Variants in FER observed in about 807,000 individuals in gnomAD.
FER encodes the protein tyrosine-protein kinase Fer.
FER carries 63 observed loss-of-function variants against 111.0 expected under a neutral mutation model. That is an observed-to-expected ratio of 0.57 (90% CI 0.46 to 0.70). The LOEUF (loss-of-function observed/expected upper bound fraction) is 0.70, where lower values mean the gene tolerates loss of function less well. Among genes scored for constraint, FER ranks in the 30% least tolerant of loss-of-function variants. FER has a pLI of 0.00. For missense variants in FER, 914 were observed against 954.0 expected (o/e 0.96, Z 0.55); for synonymous variants, 327 against 313.9 (o/e 1.04, Z -0.44).
At chr5:109,134,454 T>C (rs1752683811) in intron 17 of FER, among the ~76,000 whole-genome samples, 1 of 152,204 alleles carries the variant, frequency 6.6e-6, no homozygotes, top group African/African-American at 2.4e-5. Context: ...TTATTAAAAA[T>C]TATTTTTAAA....
chr5:109,105,230 TTGTGTGTGTGTGTGTGTG>T (rs72106747), intron 17 of FER, among the ~76,000 whole-genome samples: 1,753 of 138,630 alleles, frequency 0.013, 19 homozygotes, highest in Non-Finnish European at 0.021. Context: ...CAGCTTATAT[TTGTGTGTGTGTGTGTGTG>T]TGTGTGTGTG....
At chr5:108,806,879 A>G (rs1427220024) in intron 3 of FER, among the ~76,000 whole-genome samples, 4 of 152,130 alleles carry the variant, frequency 2.6e-5, no homozygotes. Context: ...GTTAATGCTG[A>G]AATAAGACTT....
intron 17 of FER, among the ~76,000 whole-genome samples, chr5:109,119,576 G>T (rs1750700787): frequency 6.6e-6 from 1 of 152,094 alleles, no homozygotes; most frequent in Admixed American, 6.5e-5. Context: ...TTAACTTTCT[G>T]TCTCGTTGAT....
intron 17 of FER, among the ~76,000 whole-genome samples, chr5:109,106,159 A>T (rs1366641754): frequency 6.6e-6 from 1 of 152,214 alleles, no homozygotes; most frequent in African/African-American, 2.4e-5. Context: ...GCCGAATGGT[A>T]TTTGATGTGA....
chr5:108,991,184 C>G (rs578196702), intron 13 of FER, among the ~76,000 whole-genome samples: 13 of 151,780 alleles, frequency 8.6e-5, no homozygotes, highest in Admixed American at 7.9e-4. Flanking sequence ...ATTAGCATAG[C>G]ATGTCTGTCT....
intron 13 of FER, among the ~76,000 whole-genome samples, chr5:108,988,759 T>C (rs2149740645): frequency 6.6e-6 from 1 of 152,222 alleles, no homozygotes; most frequent in East Asian, 1.9e-4. Context: ...TTATCTTTGT[T>C]GTTGTTGGTT....
rs1241271368 is a variant in FER, at chr5:108,937,826, G to A, written c.1237-8304G>A. Among the ~76,000 whole-genome samples the A allele has an allele frequency of 4.6e-5, 7 of 151,774 alleles. No homozygotes were observed. In the Admixed American group the frequency reaches 4.6e-4, roughly 10 times the overall value. On this transcript the variant is annotated intron_variant, in intron 10 of 19. Coordinates refer to ENST00000281092, the MANE Select transcript of FER (RefSeq NM_005246.4). ...GTTATGGGGTGACAGCCAAATAAGAGCAGATTGAGGAATGAGTGAGAGTAG... is the reference window on the plus strand; with the variant it reads ...GTTATGGGGTGACAGCCAAATAAGAACAGATTGAGGAATGAGTGAGAGTAG...
intron 13 of FER, among the ~76,000 whole-genome samples, chr5:108,961,245 A>T (rs1759109144): frequency 6.6e-6 from 1 of 152,190 alleles, no homozygotes; most frequent in South Asian, 2.1e-4. Flanking sequence ...CTGATGTCCC[A>T]TTTCACAAGT....
At chr5:108,900,795 T>C (rs1022309656) in intron 10 of FER, among the ~76,000 whole-genome samples, 1 of 152,218 alleles carries the variant, frequency 6.6e-6, no homozygotes, top group African/African-American at 2.4e-5. Context: ...AAATGTGTAA[T>C]CAGGGTTGGG....
intron 17 of FER, among the ~76,000 whole-genome samples, chr5:109,147,792 TATATATATAGAGAGAGAGAG>T (rs780794880): frequency 1.5e-5 from 2 of 136,028 alleles, no homozygotes; most frequent in East Asian, 2.1e-4. Context: ...TATATATATA[TATATATATAGAGAGAGAGAG>T]AGAGAGAGAG....
intron 10 of FER, among the ~76,000 whole-genome samples, chr5:108,931,824 C>G (rs1754721384): frequency 6.6e-6 from 1 of 151,862 alleles, no homozygotes; most frequent in East Asian, 1.9e-4. Flanking sequence ...GAATGAAACT[C>G]CATCTCGGGG....
intron 17 of FER, among the ~76,000 whole-genome samples, chr5:109,130,348 G>C (rs1752224303): frequency 1.3e-5 from 2 of 151,872 alleles, no homozygotes; most frequent in Admixed American, 1.3e-4. Context: ...TTCCTTCTCT[G>C]TTGTACTACA....
intron 16 of FER, among the ~76,000 whole-genome samples, chr5:109,060,365 C>T (rs75136711): frequency 0.024 from 3,675 of 152,284 alleles, 64 homozygotes; most frequent in Middle Eastern, 0.041. Flanking sequence ...AGCTCAGTCT[C>T]TTTTAAGTTG....
intron 10 of FER, among the ~76,000 whole-genome samples, chr5:108,943,302 A>G (rs553083369): frequency 6.6e-6 from 1 of 152,294 alleles, no homozygotes; most frequent in Admixed American, 6.5e-5. Flanking sequence ...TTATCTAGCC[A>G]GTGCCTTTCT....
chr5:108,843,277 CATCT>C (rs550562159), intron 5 of FER, among the ~76,000 whole-genome samples: 4 of 152,136 alleles, frequency 2.6e-5, no homozygotes, highest in Non-Finnish European at 5.9e-5. Flanking sequence ...AGTATTCCAT[CATCT>C]ATCTATCTAT....
At chr5:109,107,811 G>A (rs1749124705) in intron 17 of FER, among the ~76,000 whole-genome samples, 1 of 152,036 alleles carries the variant, frequency 6.6e-6, no homozygotes, top group Admixed American at 6.6e-5. Flanking sequence ...TCACCTTGAA[G>A]ACTACATTCC....
intron 16 of FER, among the ~76,000 whole-genome samples, chr5:109,090,464 CCAAT>C (rs1399525881): frequency 6.6e-6 from 1 of 151,808 alleles, no homozygotes; most frequent in Non-Finnish European, 1.5e-5. Context: ...GAAACATGGC[CCAAT>C]CAAAGGAGCA....
Position 109,002,279 on chromosome 5 carries a change from A to C in FER, c.1657-35143A>C, listed in dbSNP as rs184015364. ...GGGACTGGTACCAAAGCGGAGATAT[A>C]GACCAATGGAACAGAACAGAGCCCT... is the stretch of plus-strand genomic sequence containing the variant. On this transcript the variant is annotated intron_variant, in intron 13 of 19. Transcript: ENST00000281092. 1.2e-3 allele frequency among the ~76,000 whole-genome samples: 177 copies of C among 152,166 alleles called. 1 individual carries two copies. The highest frequency in any genetic ancestry group is 4.1e-3 in the African/African-American group (172 of 41,510).
intron 12 of FER, among the ~76,000 whole-genome samples, chr5:108,957,160 A>G (rs1311284491): frequency 6.6e-6 from 1 of 151,666 alleles, no homozygotes; most frequent in Admixed American, 6.6e-5. Context: ...TGCGAGAATC[A>G]AATCAGTGAA....
Sources: gnomAD v4.1 joint callset for allele counts (sites outside exome capture counted in the v4.1 genomes callset) on GRCh38, gnomAD v4.1.1 for gene constraint, MANE v1.5 for transcripts, NCBI Gene and HGNC (gene_info 2026-07-23, HGNC 2026-07-21) for gene names.